Variants in NAV2 observed in about 807,000 individuals in gnomAD.
NAV2 encodes the protein helicase, APC down-regulated 1.
NAV2 carries 54 observed loss-of-function variants against 223.2 expected under a neutral mutation model. The observed-to-expected ratio is 0.24, with a 90% CI of 0.19 to 0.30. The LOEUF (loss-of-function observed/expected upper bound fraction) is 0.30, where lower values mean the gene tolerates loss of function less well. Ranked by LOEUF, NAV2 falls within the 10% of genes least tolerant of loss-of-function variation. NAV2 has a pLI of 1.00. For missense variants in NAV2, 2,806 were observed against 3,147.5 expected (o/e 0.89, Z 2.60); for synonymous variants, 1,279 against 1,239.3 (o/e 1.03, Z -0.67).
chr11:20,025,694 T>C (rs1211325230), intron 11 of NAV2, among the ~76,000 whole-genome samples: 1 of 152,196 alleles, frequency 6.6e-6, no homozygotes. Context: ...CTAAATCCCC[T>C]TGGAGCCTTT....
At chr11:19,946,657 A>T in intron 9 of NAV2, 148 bp downstream of exon 9, 1 of 718,958 alleles carries the variant, frequency 1.4e-6, no homozygotes, top group Non-Finnish European at 2.4e-6. Context: ...ATGCCATATG[A>T]CATGCAGAAG....
intron 11 of NAV2, among the ~76,000 whole-genome samples, chr11:20,034,163 C>G (rs2056089613): frequency 6.6e-6 from 1 of 152,180 alleles, no homozygotes; most frequent in Admixed American, 6.5e-5. Flanking sequence ...TCCACTCTGT[C>G]TCTTCCTAGC....
At chr11:19,736,703 G>T (rs1391279704) in intron 1 of NAV2, among the ~76,000 whole-genome samples, 1 of 152,192 alleles carries the variant, frequency 6.6e-6, no homozygotes, top group African/African-American at 2.4e-5. Context: ...TTAAACTCAG[G>T]TCTGGTGCCT....
intron 1 of NAV2, among the ~76,000 whole-genome samples, chr11:19,596,266 C>T (rs2046204532): frequency 6.6e-6 from 1 of 152,154 alleles, no homozygotes; most frequent in South Asian, 2.1e-4. Flanking sequence ...ACCTTCTAGG[C>T]TTGCATACAG....
intron 10 of NAV2, among the ~76,000 whole-genome samples, chr11:19,978,382 G>A (rs2049991137): frequency 6.6e-6 from 1 of 152,132 alleles, no homozygotes; most frequent in Non-Finnish European, 1.5e-5. Context: ...TGATGACATT[G>A]CTCAACAACA....
chr11:20,114,318 C>T (rs527835385), intron 36 of NAV2: 30 of 518,336 alleles, frequency 5.8e-5, no homozygotes, highest in African/African-American at 4.9e-4. Context: ...AGTTTAGGGT[C>T]ACACGGTGAG....
intron 22 of NAV2, among the ~76,000 whole-genome samples, chr11:20,071,049 G>C (rs1016962781): frequency 6.6e-6 from 1 of 151,856 alleles, no homozygotes; most frequent in Admixed American, 6.6e-5. Flanking sequence ...GTGGTTTGCT[G>C]CACCCATCAA....
chr11:19,369,965 C>G lies in NAV2; in HGVS notation c.75+18938C>G, dbSNP rs138518093. The stretch of plus-strand genomic sequence containing the variant: ...CTTCTCTGTATTAGCTGCCTTGGAG[C>G]TAAGAAGTTTTCCTCTTAATAATAA... On this transcript the variant is annotated intron_variant, in intron 1 of 37. Transcript: ENST00000360655. Among the ~76,000 whole-genome samples the G allele has an allele frequency of 3.0e-3, 457 of 152,306 alleles. 3 individuals are homozygous for G. The highest frequency in any genetic ancestry group is 9.0e-3 in the African/African-American group (374 of 41,564).
intron 10 of NAV2, among the ~76,000 whole-genome samples, chr11:19,967,784 G>T (rs2048896282): frequency 6.6e-6 from 1 of 152,132 alleles, no homozygotes; most frequent in African/African-American, 2.4e-5. Flanking sequence ...TCTTTCAAAG[G>T]TCTTTCAGTT....
At chr11:19,507,714 C>T (rs1305469436) in intron 1 of NAV2, among the ~76,000 whole-genome samples, 1 of 152,192 alleles carries the variant, frequency 6.6e-6, no homozygotes, top group Non-Finnish European at 1.5e-5. Context: ...TTAATGAAAT[C>T]ATCATCATTA....
Position 20,044,085 on chromosome 11 carries a change from A to G in NAV2, c.3012A>G (p.Pro1004=), listed in dbSNP as rs1313746228. Residue 1004 remains proline (P), a synonymous_variant, in exon 13 of 38, where the codon CCA becomes CCG. Transcript: ENST00000349880. ...GGSDSGIKME[P]GSKWRRNPSD... ...CAGACAGCGGCATAAAAATGGAGCC[A>G]GGTTCCAAGTGGAGGCGGAATCCTT... 1.2e-6 allele frequency: 2 copies of G among 1,614,230 alleles called. No individual in the cohort carries two copies. The highest frequency in any genetic ancestry group is 1.1e-5 in the South Asian group (1 of 91,076).
intron 22 of NAV2, 42 bp from the exon 23 acceptor site, chr11:20,077,510 C>A: frequency 2.0e-6 from 3 of 1,487,730 alleles, no homozygotes; most frequent in Non-Finnish European, 1.9e-6. Flanking sequence ...AGCACTCTTG[C>A]CTTGCAAGGT....
chr11:19,380,137 G>A (rs1848787614), intron 1 of NAV2, among the ~76,000 whole-genome samples: 1 of 152,258 alleles, frequency 6.6e-6, no homozygotes, highest in Non-Finnish European at 1.5e-5. Flanking sequence ...AACCATGTAA[G>A]TGGAATCTTT....
rs188478854 is a variant in NAV2 at position 19,577,256 on chromosome 11, A to C, written c.75+226229A>C. Among the ~76,000 whole-genome samples the C allele has an allele frequency of 4.9e-3, 742 of 152,352 alleles. 9 individuals are homozygous for C. The highest frequency in any genetic ancestry group is 0.017 in the African/African-American group (709 of 41,582). On this transcript the variant is annotated intron_variant, in intron 1 of 37. Transcript: ENST00000360655. ...GTGTGTTGCTAACTGGCGAAAGCCA[A>C]ATGTGTGGTCAGCCTCCATCAGCGT...
At chr11:19,621,604 C>T (rs969128306) in intron 1 of NAV2, among the ~76,000 whole-genome samples, 3 of 152,038 alleles carry the variant, frequency 2.0e-5, no homozygotes, top group Non-Finnish European at 4.4e-5. Context: ...TGGTGATATT[C>T]CCTTTATCAT....
intron 1 of NAV2, among the ~76,000 whole-genome samples, chr11:19,654,436 C>G (rs1296008500): frequency 1.3e-5 from 2 of 152,162 alleles, no homozygotes; most frequent in Non-Finnish European, 2.9e-5. Flanking sequence ...ATTGCCAAGT[C>G]AATCATAGGC....
At chr11:19,836,051 C>T (rs2060209717) in intron 2 of NAV2, among the ~76,000 whole-genome samples, 1 of 152,148 alleles carries the variant, frequency 6.6e-6, no homozygotes, top group African/African-American at 2.4e-5. Context: ...GCCTTGCATG[C>T]AGTGATGTTC....
In NAV2 at chr11:19,949,009, G is replaced by A. The variant is rs1488896585; in HGVS notation, c.2574G>A (p.Met858Ile). ...GDEMDLEGIS[M>I]DAPGYMSDGD... ...AGATGGACCTGGAAGGCATCAGCATGGATGCCCCCGGCTACATGAGCGACG... is the reference window on the plus strand; with the variant it reads ...AGATGGACCTGGAAGGCATCAGCATAGATGCCCCCGGCTACATGAGCGACG... Residue 858 changes from methionine to isoleucine, a missense_variant, in exon 10 of 38, where the codon ATG becomes ATA. Transcript: ENST00000349880. 1 of 1,613,838 alleles carries A rather than the reference G, an allele frequency of 6.2e-7. No homozygotes were observed. The highest frequency in any genetic ancestry group is 1.1e-5 in the South Asian group (1 of 91,074).
At chr11:19,973,452 G>A (rs1207825725) in intron 10 of NAV2, among the ~76,000 whole-genome samples, 1 of 152,174 alleles carries the variant, frequency 6.6e-6, no homozygotes, top group Non-Finnish European at 1.5e-5. Flanking sequence ...GTGTTTCAGT[G>A]CATCAGAAGT....
Sources: allele counts gnomAD v4.1 joint callset (sites outside exome capture counted in the v4.1 genomes callset), GRCh38; gene constraint gnomAD v4.1.1; transcripts MANE v1.5; gene names NCBI Gene and HGNC (gene_info 2026-07-23, HGNC 2026-07-21).